The following MYCT1 variants were observed in gnomAD, a reference collection of about 807,000 sequenced individuals.
The protein encoded by MYCT1 is myc target protein 1.
In MYCT1, 12 loss-of-function variants were observed where a neutral mutation model predicts 15.0. The observed-to-expected ratio is 0.80, with a 90% confidence interval of 0.51 to 1.29. MYCT1 has a LOEUF of 1.29. Among genes scored for constraint, MYCT1 ranks in the 50% most tolerant of loss-of-function variants. The pLI is 0.00. For missense variants in MYCT1, 287 were observed against 279.1 expected, an observed-to-expected ratio of 1.03 and a Z score of -0.20; for synonymous variants, 104 against 102.7, an observed-to-expected ratio of 1.01 and a Z score of -0.07.
intron 1 of MYCT1, among the ~76,000 whole-genome samples, chr6:152,714,816 T>C (rs1453597001): frequency 6.6e-6 from 1 of 151,450 alleles, no homozygotes; most frequent in African/African-American, 2.4e-5. Context: ...CATTATTAGG[T>C]ATATATAAAT....
chr6:152,736,880 T>C, the MYCT1 span, among the ~76,000 whole-genome samples: 5 of 152,266 alleles, frequency 3.3e-5, no homozygotes, highest in African/African-American at 1.2e-4. Flanking sequence ...TTAGTGCTAA[T>C]TGGTAGAGAA....
At chr6:152,731,808 C>T in the MYCT1 span, among the ~76,000 whole-genome samples, 1 of 149,462 alleles carries the variant, frequency 6.7e-6, no homozygotes, top group Non-Finnish European at 1.5e-5. Context: ...AGTGCAGTGG[C>T]GCGATATCAG....
the MYCT1 span, among the ~76,000 whole-genome samples, chr6:152,746,935 T>A: frequency 1.3e-5 from 2 of 152,188 alleles, no homozygotes; most frequent in Admixed American, 6.5e-5. Flanking sequence ...ATCATTTAGA[T>A]CATTATTTGT....
At chr6:152,736,652 A>G in the MYCT1 span, among the ~76,000 whole-genome samples, 11 of 152,194 alleles carry the variant, frequency 7.2e-5, no homozygotes, top group African/African-American at 2.7e-4. Context: ...GAAAAGGTTG[A>G]GAGAAAAGAA....
Position 152,722,965 on chromosome 6 carries a change from C to G in MYCT1, c.*712C>G, listed in dbSNP as rs2099724970. ...CTATGTTACCAAGGCTGGTCTCAAA[C>G]TCCTAAACTCAGATGATCCTCCTGC... On this transcript the variant is annotated 3_prime_UTR_variant, in exon 2 of 2. Transcript: ENST00000367245. The G allele has an allele frequency of 6.3e-6, 1 of 158,838 alleles. No individual in the cohort carries two copies. Among genetic ancestry groups the G allele is most frequent in the Non-Finnish European group, 1.4e-5 (1 of 71,900 alleles). 9.8% of individuals were successfully genotyped at this position (158,838 alleles called of 1,614,324 possible).
chr6:152,745,833 G>C, the MYCT1 span, among the ~76,000 whole-genome samples: 1 of 152,164 alleles, frequency 6.6e-6, no homozygotes, highest in Non-Finnish European at 1.5e-5. Flanking sequence ...CCTAAGCAGG[G>C]TGTGCAACTA....
chr6:152,731,392 T>G, the MYCT1 span, among the ~76,000 whole-genome samples: 5 of 152,324 alleles, frequency 3.3e-5, no homozygotes, highest in East Asian at 9.6e-4. Flanking sequence ...TTTTTATACT[T>G]TAAGTTCTAG....
At chr6:152,725,281 T>G (rs2099725455), downstream of MYCT1, among the ~76,000 whole-genome samples, 1 of 152,102 alleles carries the variant, frequency 6.6e-6, no homozygotes, top group Admixed American at 6.5e-5. Context: ...ATATGGAAAA[T>G]ACTCAGTTGT....
intron 1 of MYCT1, among the ~76,000 whole-genome samples, chr6:152,699,058 T>C (rs574049631): frequency 6.6e-6 from 1 of 152,200 alleles, no homozygotes; most frequent in Non-Finnish European, 1.5e-5. Flanking sequence ...TCTGTTTATA[T>C]GGCCAGAACA....
chr6:152,715,032 C>A (rs1172857164), intron 1 of MYCT1, among the ~76,000 whole-genome samples: 6 of 152,018 alleles, frequency 3.9e-5, no homozygotes, highest in Non-Finnish European at 2.9e-5. Flanking sequence ...TAGGGTCCAA[C>A]TTCCTTGGCA....
the MYCT1 span, among the ~76,000 whole-genome samples, chr6:152,746,592 G>A: frequency 6.6e-6 from 1 of 152,284 alleles, no homozygotes; most frequent in East Asian, 1.9e-4. Context: ...TGTGGTGGGG[G>A]AACATATACA....
intron 1 of MYCT1, among the ~76,000 whole-genome samples, chr6:152,699,330 A>G (rs940591399): frequency 2.6e-5 from 4 of 152,146 alleles, no homozygotes; most frequent in Non-Finnish European, 5.9e-5. Context: ...GAATTAACTC[A>G]TTCTTTTTTT....
chr6:152,727,210 C>CA (rs1187850671), downstream of MYCT1, among the ~76,000 whole-genome samples: 12,509 of 78,154 alleles, frequency 0.16, 1,044 homozygotes, highest in East Asian at 0.3. Context: ...GACTCAGTCT[C>CA]AAAAAAAAAA....
At chr6:152,737,510 C>CA in the MYCT1 span, among the ~76,000 whole-genome samples, 4 of 152,098 alleles carry the variant, frequency 2.6e-5, no homozygotes, top group African/African-American at 9.6e-5. Context: ...AGTGCAGCTC[C>CA]AGAACACCTG....
At chr6:152,731,853 T>C in the MYCT1 span, among the ~76,000 whole-genome samples, 1 of 151,708 alleles carries the variant, frequency 6.6e-6, no homozygotes, top group African/African-American at 2.4e-5. Context: ...GCTCAAGCTA[T>C]CCTCCCACCT....
the MYCT1 span, among the ~76,000 whole-genome samples, chr6:152,739,638 C>CT: frequency 1.3e-5 from 2 of 151,754 alleles, no homozygotes; most frequent in Non-Finnish European, 2.9e-5. Context: ...ATCGTTTCTC[C>CT]TTTTTTTAGG....
At position 152,722,338 on chromosome 6, in the gene MYCT1, G is replaced by C; in HGVS notation, c.*85G>C. On this transcript the variant is annotated 3_prime_UTR_variant, in exon 2 of 2. Transcript: ENST00000367245. The stretch of plus-strand genomic sequence containing the variant: ...AAAATAGGCTAAACAGAATTTTGAG[G>C]GCATGGCCCAAATAACTCATGAGTT... 1 of 1,381,260 alleles carries C rather than the reference G, an allele frequency of 7.2e-7. No homozygotes were observed. Among genetic ancestry groups the C allele is most frequent in the Non-Finnish European group, 9.7e-7 (1 of 1,027,458 alleles). The allele number at this position is 1,381,260 out of a possible 1,614,324, so 85.6% of individuals were successfully genotyped here. A position where few individuals can be genotyped will look rare whatever the true frequency, so the allele number is the denominator to read the frequency against.
In MYCT1 at chr6:152,722,481, A is replaced by G; in HGVS notation, c.*228A>G. ...ATTTTCCCCCAAGCGTTTTATATTT[A>G]TGTATTTTGTATTCAATGTGAGGCT... On this transcript the variant is annotated 3_prime_UTR_variant, in exon 2 of 2. Transcript: ENST00000367245. 2.1e-6 allele frequency: 1 copy of G among 484,988 alleles called. No individual in the cohort carries two copies. Among genetic ancestry groups the G allele is most frequent in the Non-Finnish European group, 3.6e-6 (1 of 278,836 alleles). 30.0% of individuals were successfully genotyped at this position (484,988 alleles called of 1,614,324 possible).
chr6:152,703,169 G>T (rs1330906797), intron 1 of MYCT1, among the ~76,000 whole-genome samples: 1 of 152,138 alleles, frequency 6.6e-6, no homozygotes, highest in Admixed American at 6.6e-5. Context: ...AAGTGCTTGG[G>T]AAAATTCCCT....
Sources: gnomAD v4.1 joint callset for allele counts (sites outside exome capture counted in the v4.1 genomes callset) on GRCh38, gnomAD v4.1.1 for gene constraint, MANE v1.5 for transcripts, NCBI Gene and HGNC (gene_info 2026-07-23, HGNC 2026-07-21) for gene names.